CDH12: variants seen among roughly 807,000 people sequenced by gnomAD.
The protein encoded by CDH12 is cadherin-12.
CDH12 carries 41 observed loss-of-function variants against 74.1 expected under a neutral mutation model. The ratio of observed to expected loss-of-function variants is 0.55; its 90% confidence interval spans 0.43 to 0.72. The LOEUF (loss-of-function observed/expected upper bound fraction) is 0.72, where lower values mean the gene tolerates loss of function less well. CDH12 is among the 30% of genes least tolerant of loss of function. CDH12 has a pLI of 0.00. For synonymous variants in CDH12, 399 were observed against 355.0 expected (o/e 1.12, Z -1.39); for missense variants, 945 against 977.2 (o/e 0.97, Z 0.44).
At chr5:22,506,145 T>C (rs760370017) in intron 1 of CDH12, among the ~76,000 whole-genome samples, 1 of 152,136 alleles carries the variant, frequency 6.6e-6, no homozygotes, top group Non-Finnish European at 1.5e-5. Flanking sequence ...AAAGTTCCTT[T>C]TGTTCCTCCT....
intron 3 of CDH12, among the ~76,000 whole-genome samples, chr5:22,311,542 A>T (rs1325817572): frequency 2.6e-5 from 4 of 151,870 alleles, no homozygotes; most frequent in Non-Finnish European, 4.4e-5. Flanking sequence ...TCTCTACTAA[A>T]AATATAACAA....
At chr5:22,612,994 T>G (rs1285934571) in intron 1 of CDH12, among the ~76,000 whole-genome samples, 1 of 152,150 alleles carries the variant, frequency 6.6e-6, no homozygotes, top group Non-Finnish European at 1.5e-5. Flanking sequence ...AAATGTTTCC[T>G]TATTCACTTT....
chr5:22,074,463 G>A (rs990127668), intron 5 of CDH12, among the ~76,000 whole-genome samples: 1 of 152,104 alleles, frequency 6.6e-6, no homozygotes, highest in East Asian at 1.9e-4. Flanking sequence ...ATTGACAAAA[G>A]GGATCTAGTT....
At chr5:21,782,719 T>C (rs953229400) in intron 11 of CDH12, among the ~76,000 whole-genome samples, 1 of 152,152 alleles carries the variant, frequency 6.6e-6, no homozygotes, top group African/African-American at 2.4e-5. Flanking sequence ...GAGAAAGTTG[T>C]GATAATAACC....
intron 2 of CDH12, among the ~76,000 whole-genome samples, chr5:22,476,112 T>C (rs770535893): frequency 1.5e-4 from 23 of 152,116 alleles, no homozygotes; most frequent in Non-Finnish European, 2.9e-4. Context: ...TAAAATGATG[T>C]TGACATTTTA....
At chr5:22,692,368 T>A (rs1191331370) in intron 1 of CDH12, among the ~76,000 whole-genome samples, 1 of 152,222 alleles carries the variant, frequency 6.6e-6, no homozygotes, top group Non-Finnish European at 1.5e-5. Flanking sequence ...CTAACCCATG[T>A]GGCATTTCAA....
At chr5:22,292,624 A>ACG (rs56997087) in intron 3 of CDH12, among the ~76,000 whole-genome samples, 3 of 32,350 alleles carry the variant, frequency 9.3e-5, no homozygotes, top group Non-Finnish European at 2.8e-4. Flanking sequence ...TGCTTCTCAA[A>ACG]CACACACACA....
intron 1 of CDH12, among the ~76,000 whole-genome samples, chr5:22,535,454 C>A (rs950251177): frequency 6.6e-6 from 1 of 152,118 alleles, no homozygotes; most frequent in Non-Finnish European, 1.5e-5. Context: ...ACGCACCCGG[C>A]CTCTATTGCA....
intron 4 of CDH12, among the ~76,000 whole-genome samples, chr5:22,103,764 C>G (rs1478170045): frequency 6.6e-6 from 1 of 152,156 alleles, no homozygotes. Flanking sequence ...CTCATTTAAT[C>G]TCAGAAAGTT....
chr5:22,505,720 C>T (rs1175494760), intron 1 of CDH12, among the ~76,000 whole-genome samples: 1 of 151,988 alleles, frequency 6.6e-6, no homozygotes, highest in Non-Finnish European at 1.5e-5. Context: ...CATTATGTCC[C>T]CTTGGCCTCC....
At chr5:22,256,141 G>T (rs1331549619) in intron 3 of CDH12, among the ~76,000 whole-genome samples, 1 of 152,086 alleles carries the variant, frequency 6.6e-6, no homozygotes, top group Non-Finnish European at 1.5e-5. Flanking sequence ...TAAATTGGAA[G>T]AAGTGTAAAA....
intron 3 of CDH12, among the ~76,000 whole-genome samples, chr5:22,343,319 C>G (rs997749469): frequency 3.6e-4 from 47 of 131,106 alleles, no homozygotes; most frequent in African/African-American, 9.6e-4. Context: ...CACAGACACA[C>G]ACACAGAGAG....
chr5:22,390,484 T>A (rs1305267685), intron 3 of CDH12, among the ~76,000 whole-genome samples: 1 of 152,048 alleles, frequency 6.6e-6, no homozygotes, highest in African/African-American at 2.4e-5. Context: ...ATTAATACTT[T>A]TTTTATAAGC....
intron 1 of CDH12, among the ~76,000 whole-genome samples, chr5:22,779,990 ATCT>A (rs1443272222): frequency 1.3e-5 from 2 of 152,224 alleles, no homozygotes; most frequent in Non-Finnish European, 2.9e-5. Context: ...GTATAAGTTC[ATCT>A]TCTTTATAAC....
intron 5 of CDH12, among the ~76,000 whole-genome samples, chr5:22,064,028 C>A (rs1378709371): frequency 6.6e-6 from 1 of 151,282 alleles, no homozygotes; most frequent in East Asian, 1.9e-4. Flanking sequence ...CACAAACACA[C>A]ACACACACAC....
intron 3 of CDH12, among the ~76,000 whole-genome samples, chr5:22,263,962 T>C (rs980085764): frequency 6.6e-6 from 1 of 151,972 alleles, no homozygotes; most frequent in African/African-American, 2.4e-5. Flanking sequence ...TAATTTGCCA[T>C]TTGCTAATTT....
intron 4 of CDH12, among the ~76,000 whole-genome samples, chr5:22,184,581 T>C (rs1749824754): frequency 1.3e-5 from 2 of 152,194 alleles, no homozygotes; most frequent in African/African-American, 4.8e-5. Flanking sequence ...TATATGTATA[T>C]GCACGACAAT....
At chr5:22,117,986 A>G (rs1417820798) in intron 4 of CDH12, among the ~76,000 whole-genome samples, 6 of 152,152 alleles carry the variant, frequency 3.9e-5, no homozygotes, top group South Asian at 2.1e-4. Flanking sequence ...TAATTTGTGC[A>G]CACTCGTATA....
chr5:21,985,951 C>T (rs1377712100), intron 5 of CDH12, among the ~76,000 whole-genome samples: 1 of 152,160 alleles, frequency 6.6e-6, no homozygotes, highest in African/African-American at 2.4e-5. Flanking sequence ...ACATTCTATG[C>T]TAGTCTACTC....
Sources: gnomAD v4.1 joint callset for allele counts (sites outside exome capture counted in the v4.1 genomes callset) on GRCh38, gnomAD v4.1.1 for gene constraint, MANE v1.5 for transcripts, NCBI Gene and HGNC (gene_info 2026-07-23, HGNC 2026-07-21) for gene names.